Variants in LRMDA observed in about 807,000 individuals in gnomAD.
The protein encoded by LRMDA is leucine-rich melanocyte differentiation-associated protein.
Under a neutral mutation model 29.8 loss-of-function variants are expected in LRMDA, and 18 were observed. That is an observed-to-expected ratio of 0.60 (90% CI 0.42 to 0.90). LRMDA has a LOEUF of 0.90. Among genes scored for constraint, LRMDA ranks in the 40% least tolerant of loss-of-function variants. The pLI is 0.00. For missense variants in LRMDA, 273 were observed against 273.9 expected (o/e 1.00, Z 0.02); for synonymous variants, 125 against 109.4 (o/e 1.14, Z -0.89).
intron 5 of LRMDA, among the ~76,000 whole-genome samples, chr10:76,268,459 A>T (rs1840030647): frequency 6.6e-6 from 1 of 151,900 alleles, no homozygotes; most frequent in Non-Finnish European, 1.5e-5. Flanking sequence ...TGGTATTTAC[A>T]CCTCTCTCTT....
intron 5 of LRMDA, among the ~76,000 whole-genome samples, chr10:76,172,716 A>G (rs1850860904): frequency 1.3e-5 from 2 of 152,176 alleles, no homozygotes; most frequent in African/African-American, 2.4e-5. Context: ...TATACAGGGC[A>G]TCCAGTAGAC....
chr10:75,520,761 G>A (rs1009709649), intron 2 of LRMDA, among the ~76,000 whole-genome samples: 1 of 152,190 alleles, frequency 6.6e-6, no homozygotes, highest in African/African-American at 2.4e-5. Flanking sequence ...GAGAAGAGGT[G>A]CTCTGGTTTT....
At chr10:75,789,993 C>T (rs565674020) in intron 2 of LRMDA, among the ~76,000 whole-genome samples, 5 of 152,108 alleles carry the variant, frequency 3.3e-5, no homozygotes, top group Admixed American at 1.3e-4. Context: ...TAAGGATATG[C>T]CTAGCACAGA....
intron 2 of LRMDA, among the ~76,000 whole-genome samples, chr10:75,445,220 A>G (rs567344623): frequency 1.3e-5 from 2 of 152,280 alleles, no homozygotes; most frequent in African/African-American, 4.8e-5. Context: ...GATTACAGGC[A>G]TGAGCCACCA....
intron 2 of LRMDA, among the ~76,000 whole-genome samples, chr10:75,658,766 T>C (rs1474291650): frequency 6.7e-6 from 1 of 148,308 alleles, no homozygotes; most frequent in Admixed American, 6.6e-5. Context: ...AGACCAAACA[T>C]TGTGGTGATA....
intron 2 of LRMDA, among the ~76,000 whole-genome samples, chr10:75,874,947 T>C (rs1397046096): frequency 6.6e-6 from 1 of 152,238 alleles, no homozygotes; most frequent in Non-Finnish European, 1.5e-5. Context: ...AAGTGCCACA[T>C]CTGTGTGTGC....
intron 5 of LRMDA, among the ~76,000 whole-genome samples, chr10:76,153,947 G>T (rs977401100): frequency 1.1e-4 from 17 of 152,196 alleles, no homozygotes; most frequent in Non-Finnish European, 2.9e-5. Flanking sequence ...ATGGACTGTT[G>T]TGTTTAGAAG....
chr10:75,840,178 C>T (rs1476511091), intron 2 of LRMDA, among the ~76,000 whole-genome samples: 1 of 152,136 alleles, frequency 6.6e-6, no homozygotes, highest in Non-Finnish European at 1.5e-5. Flanking sequence ...TAGCATAGAT[C>T]TTGGCCTACA....
At chr10:75,461,617 G>A (rs1019053131) in intron 2 of LRMDA, among the ~76,000 whole-genome samples, 3 of 152,216 alleles carry the variant, frequency 2.0e-5, no homozygotes, top group Non-Finnish European at 4.4e-5. Context: ...ATAGGAGATG[G>A]AGGATGGGAG....
At chr10:76,444,643 C>T (rs1473428406) in intron 6 of LRMDA, among the ~76,000 whole-genome samples, 3 of 152,136 alleles carry the variant, frequency 2.0e-5, no homozygotes, top group African/African-American at 7.2e-5. Flanking sequence ...CCTTAGGTTG[C>T]TCTCAACTCA....
intron 2 of LRMDA, among the ~76,000 whole-genome samples, chr10:75,573,856 A>G (rs760896500): frequency 4.6e-5 from 7 of 152,292 alleles, no homozygotes; most frequent in Non-Finnish European, 7.4e-5. Flanking sequence ...AAGGATCACT[A>G]TTTTTGAAAA....
chr10:75,500,281 A>T (rs1845097057), intron 2 of LRMDA, among the ~76,000 whole-genome samples: 1 of 152,124 alleles, frequency 6.6e-6, no homozygotes, highest in African/African-American at 2.4e-5. Context: ...TTTTCTGATG[A>T]CCACTAAGAT....
At chr10:76,021,072 T>C (rs187782353) in intron 2 of LRMDA, among the ~76,000 whole-genome samples, 262 of 152,326 alleles carry the variant, frequency 1.7e-3, no homozygotes, top group Non-Finnish European at 2.0e-3. Context: ...GTGCCCATGG[T>C]CACAGAGCTT....
chr10:76,374,405 G>A (rs1841490966), intron 6 of LRMDA, among the ~76,000 whole-genome samples: 1 of 152,142 alleles, frequency 6.6e-6, no homozygotes, highest in Non-Finnish European at 1.5e-5. Flanking sequence ...CAGATGAAAG[G>A]ACTCATACGT....
chr10:76,184,246 G>A (rs1433899147), intron 5 of LRMDA, among the ~76,000 whole-genome samples: 1 of 151,896 alleles, frequency 6.6e-6, no homozygotes, highest in Admixed American at 6.6e-5. Flanking sequence ...GGCCAGGCTG[G>A]TTTCGAGCTC....
intron 5 of LRMDA, among the ~76,000 whole-genome samples, chr10:76,260,486 T>C (rs915045372): frequency 1.7e-4 from 26 of 152,302 alleles, no homozygotes; most frequent in African/African-American, 6.0e-4. Context: ...TTTTTTTTTC[T>C]TTTAGTACTT....
intron 6 of LRMDA, among the ~76,000 whole-genome samples, chr10:76,514,898 T>C (rs1447579326): frequency 6.6e-6 from 1 of 152,178 alleles, no homozygotes; most frequent in Non-Finnish European, 1.5e-5. Flanking sequence ...CAAGTACAAT[T>C]GGTACTGACT....
At chr10:75,951,874 T>C (rs1846580447) in intron 2 of LRMDA, among the ~76,000 whole-genome samples, 1 of 152,194 alleles carries the variant, frequency 6.6e-6, no homozygotes, top group East Asian at 1.9e-4. Context: ...AATTGACCCC[T>C]GGAAAGGCTG....
chr10:76,376,152 C>T (rs372072419), intron 6 of LRMDA, among the ~76,000 whole-genome samples: 1 of 151,872 alleles, frequency 6.6e-6, no homozygotes. Flanking sequence ...CCCTCAGCCA[C>T]CCCTCCACCT....
Sources: allele counts gnomAD v4.1 joint callset (sites outside exome capture counted in the v4.1 genomes callset), GRCh38; gene constraint gnomAD v4.1.1; transcripts MANE v1.5; gene names NCBI Gene and HGNC (gene_info 2026-07-23, HGNC 2026-07-21).